The following TMEM38B variants were observed in gnomAD, a reference collection of about 807,000 sequenced individuals.
TMEM38B encodes the protein trimeric intracellular cation channel type B.
A neutral mutation model predicts 28.7 loss-of-function variants in TMEM38B; 24 were observed. The observed-to-expected ratio is 0.84, with a 90% CI of 0.61 to 1.18. The LOEUF (loss-of-function observed/expected upper bound fraction) is 1.18, where lower values mean the gene tolerates loss of function less well. Among genes scored for constraint, TMEM38B ranks in the 50% most tolerant of loss-of-function variants. TMEM38B has a pLI of 0.00. For missense variants in TMEM38B, 380 were observed against 350.9 expected (o/e 1.08, Z -0.66); for synonymous variants, 131 against 127.7 (o/e 1.03, Z -0.17).
At chr9:105,728,332 A>C (rs1160311236) in intron 4 of TMEM38B, among the ~76,000 whole-genome samples, 2 of 151,184 alleles carry the variant, frequency 1.3e-5, no homozygotes, top group Non-Finnish European at 2.9e-5. Flanking sequence ...TATGAGTGAG[A>C]ACATGCGGTG....
chr9:105,735,807 CT>C, intron 4 of TMEM38B, among the ~76,000 whole-genome samples: 1 of 152,106 alleles, frequency 6.6e-6, no homozygotes, highest in South Asian at 2.1e-4. Flanking sequence ...TTTGAGCTTC[CT>C]GGATGTGGAT....
chr9:105,706,151 G>T (rs572610801), intron 2 of TMEM38B, among the ~76,000 whole-genome samples: 1 of 152,152 alleles, frequency 6.6e-6, no homozygotes, highest in South Asian at 2.1e-4. Context: ...TGCCCGCCTC[G>T]GCCTCCCAAA....
chr9:105,734,102 C>T (rs1343172233), intron 4 of TMEM38B, among the ~76,000 whole-genome samples: 2 of 151,908 alleles, frequency 1.3e-5, no homozygotes, highest in Admixed American at 1.3e-4. Context: ...CTCTTAGACC[C>T]ACTTTTGCTG....
At chr9:105,728,242 A>G (rs1216365057) in intron 4 of TMEM38B, among the ~76,000 whole-genome samples, 2 of 151,148 alleles carry the variant, frequency 1.3e-5, no homozygotes, top group African/African-American at 2.4e-5. Context: ...TCTCTCTCCC[A>G]GCCCCCCAGC....
intron 4 of TMEM38B, among the ~76,000 whole-genome samples, chr9:105,734,177 C>CT (rs1442365237): frequency 6.6e-6 from 1 of 151,736 alleles, no homozygotes; most frequent in Non-Finnish European, 1.5e-5. Context: ...TTTAAATTTC[C>CT]TTTTTGATTT....
intron 3 of TMEM38B, 39 bp from the exon 4 acceptor site, chr9:105,722,495 A>G: frequency 6.5e-7 from 1 of 1,531,572 alleles, no homozygotes; most frequent in Non-Finnish European, 9.0e-7. Context: ...TTACAGGAAA[A>G]TTTGGCCAAA....
chr9:105,730,585 G>T (rs1460624252), intron 4 of TMEM38B, among the ~76,000 whole-genome samples: 1 of 152,184 alleles, frequency 6.6e-6, no homozygotes, highest in Non-Finnish European at 1.5e-5. Flanking sequence ...CTCATAAAAT[G>T]AGTTAGGGAG....
Position 105,759,952 on chromosome 9 carries a change from C to G in TMEM38B, c.660+11762C>G, listed in dbSNP as rs1203894836. On this transcript the variant is annotated intron_variant, in intron 5 of 5. Transcript: ENST00000374692. ...TGTTGGACAAAGCAGCACAAGTGTGCAAACAGCTATGCAAAGTGAACTCGG... is the reference window on the plus strand; with the variant it reads ...TGTTGGACAAAGCAGCACAAGTGTGGAAACAGCTATGCAAAGTGAACTCGG... 5 of 1,575,628 alleles carry G rather than the reference C, an allele frequency of 3.2e-6. No homozygotes were observed. The East Asian group carries it at 1.1e-4, about 35-fold the overall frequency.
chr9:105,728,700 C>T (rs1282801506), intron 4 of TMEM38B, among the ~76,000 whole-genome samples: 2 of 151,638 alleles, frequency 1.3e-5, no homozygotes, highest in African/African-American at 2.4e-5. Flanking sequence ...TACACTCCCA[C>T]CAACAGTGTT....
At chr9:105,763,154 A>G (rs1049522625) in intron 5 of TMEM38B, among the ~76,000 whole-genome samples, 59 of 151,244 alleles carry the variant, frequency 3.9e-4, no homozygotes, top group Non-Finnish European at 7.4e-4. Flanking sequence ...GATTCTGGAT[A>G]TTAGCCCTTT....
Position 105,748,485 on chromosome 9 carries a change from T to TA in TMEM38B, c.660+296dup, listed in dbSNP as rs3838845. Among the ~76,000 whole-genome samples, 29,690 of 152,142 alleles carry TA rather than the reference T, an allele frequency of 0.2. 4,335 individuals carry two copies. The highest frequency in any genetic ancestry group is 0.46 in the East Asian group (2,399 of 5,162). On this transcript the variant is annotated intron_variant, in intron 5 of 5. Transcript: ENST00000374692. ...GGCTGATCAGAGACTGCGAAGATGA[T>TA]ACTGTCTCATTTGTAAAATGAGGCA...
intron 1 of TMEM38B, among the ~76,000 whole-genome samples, chr9:105,704,796 T>G (rs1402678225): frequency 6.6e-6 from 1 of 152,008 alleles, no homozygotes; most frequent in Admixed American, 6.5e-5. Flanking sequence ...TGGTGGCAGG[T>G]GCCTGTAGTC....
At chr9:105,729,467 T>C (rs1470690832) in intron 4 of TMEM38B, among the ~76,000 whole-genome samples, 1 of 152,248 alleles carries the variant, frequency 6.6e-6, no homozygotes, top group East Asian at 1.9e-4. Context: ...AGTACCATGC[T>C]ATTTTGGTTA....
chr9:105,731,154 CTTAGGGTGTTGATT>C (rs1218212463), intron 4 of TMEM38B, among the ~76,000 whole-genome samples: 2 of 151,740 alleles, frequency 1.3e-5, no homozygotes, highest in Admixed American at 1.3e-4. Context: ...TAATTGTGAT[CTTAGGGTGTTGATT>C]TTAGGTCTTT....
chr9:105,711,257 A>G (rs944612720), intron 2 of TMEM38B, among the ~76,000 whole-genome samples: 8 of 151,244 alleles, frequency 5.3e-5, no homozygotes, highest in Admixed American at 2.0e-4. Flanking sequence ...CCTGGCCAAC[A>G]TGGTGAAACC....
intron 5 of TMEM38B, chr9:105,749,164 A>G: frequency 8.1e-7 from 1 of 1,234,320 alleles, no homozygotes; most frequent in Non-Finnish European, 1.1e-6. Context: ...TCCAGTCCTC[A>G]AATGTTGAGC....
chr9:105,694,778 T>C lies in TMEM38B; in HGVS notation c.112+6T>C. The C allele has an allele frequency of 7.5e-7, 1 of 1,338,384 alleles. No homozygotes were observed. The highest frequency in any genetic ancestry group is 9.8e-7 in the Non-Finnish European group (1 of 1,016,178). 82.9% of individuals were successfully genotyped at this position (1,338,384 alleles called of 1,614,324 possible). On this transcript the variant is annotated splice_donor_region_variant and intron_variant, in intron 1 of 5. Transcript: ENST00000374692. ...GGCGGTGAAACGTCAGCCGGGTGAG[T>C]GCGGGGCGCCGCGGGCCGGACCCCT...
intron 4 of TMEM38B, among the ~76,000 whole-genome samples, chr9:105,724,633 AAAAAG>A (rs1280466459): frequency 2.1e-5 from 3 of 145,858 alleles, no homozygotes; most frequent in Non-Finnish European, 3.0e-5. Context: ...CAAAAAAAAA[AAAAAG>A]AAGAAGGTGG....
At chr9:105,763,508 T>C (rs1403602478) in intron 5 of TMEM38B, among the ~76,000 whole-genome samples, 1 of 152,124 alleles carries the variant, frequency 6.6e-6, no homozygotes, top group East Asian at 1.9e-4. Flanking sequence ...CCTCGACACA[T>C]ACACTCTCCC....
Sources: allele counts gnomAD v4.1 joint callset (sites outside exome capture counted in the v4.1 genomes callset), GRCh38; gene constraint gnomAD v4.1.1; transcripts MANE v1.5; gene names NCBI Gene and HGNC (gene_info 2026-07-23, HGNC 2026-07-21).